Variants in SPMIP11 observed in about 807,000 individuals in gnomAD.
SPMIP11 encodes the protein long intergenic non-protein coding RNA 935.
the SPMIP11 span, among the ~76,000 whole-genome samples, chr12:48,742,609 C>T: frequency 6.6e-6 from 1 of 152,050 alleles, no homozygotes; most frequent in Non-Finnish European, 1.5e-5. Flanking sequence ...CCAGGCCAGG[C>T]GCAGTGGCTC....
the SPMIP11 span, among the ~76,000 whole-genome samples, chr12:48,751,844 A>G: frequency 6.6e-6 from 1 of 152,120 alleles, no homozygotes; most frequent in African/African-American, 2.4e-5. Context: ...AGACAGGCAG[A>G]TCACCTGCGG....
the SPMIP11 span, chr12:48,767,441 G>C: frequency 6.5e-6 from 1 of 152,792 alleles, no homozygotes; most frequent in Non-Finnish European, 1.5e-5. Flanking sequence ...AGAAGACAGA[G>C]GCCCACAGGA....
chr12:48,741,637 T>C, the SPMIP11 span, among the ~76,000 whole-genome samples: 1 of 151,564 alleles, frequency 6.6e-6, no homozygotes, highest in Non-Finnish European at 1.5e-5. Flanking sequence ...TTTGGAAAAA[T>C]GTAAGTATTC....
the SPMIP11 span, chr12:48,768,449 A>G: frequency 8.0e-7 from 1 of 1,249,084 alleles, no homozygotes; most frequent in African/African-American, 1.5e-5. Context: ...GCATGATCCA[A>G]GCACAGCCTG....
the SPMIP11 span, chr12:48,759,334 A>G: frequency 2.8e-6 from 2 of 702,868 alleles, no homozygotes; most frequent in African/African-American, 1.7e-5. Flanking sequence ...GAAGACGTGT[A>G]AGTACCTTGG....
the SPMIP11 span, among the ~76,000 whole-genome samples, chr12:48,763,853 ATT>A: frequency 6.6e-6 from 1 of 151,712 alleles, no homozygotes; most frequent in Admixed American, 6.6e-5. Flanking sequence ...TAATTTTTGT[ATT>A]TTTAGTAGAG....
chr12:48,759,464 G>A, the SPMIP11 span: 38 of 588,410 alleles, frequency 6.5e-5, no homozygotes, highest in Admixed American at 1.6e-4. Context: ...CGAGGCAGGC[G>A]GATCACAAGG....
At chr12:48,758,292 C>T in the SPMIP11 span, among the ~76,000 whole-genome samples, 1 of 152,204 alleles carries the variant, frequency 6.6e-6, no homozygotes, top group Non-Finnish European at 1.5e-5. Flanking sequence ...AGAATCATGC[C>T]ATAGACCTGG....
chr12:48,743,016 G>A, the SPMIP11 span, among the ~76,000 whole-genome samples: 1 of 152,126 alleles, frequency 6.6e-6, no homozygotes, highest in Non-Finnish European at 1.5e-5. Context: ...TGGAGGCTGA[G>A]GTGGGCCAAT....
chr12:48,756,784 T>TC, the SPMIP11 span, among the ~76,000 whole-genome samples: 1 of 150,434 alleles, frequency 6.6e-6, no homozygotes, highest in South Asian at 2.1e-4. Context: ...TTTTTCTTTT[T>TC]TTTTTTTTTG....
the SPMIP11 span, among the ~76,000 whole-genome samples, chr12:48,745,633 A>G: frequency 6.6e-6 from 1 of 152,238 alleles, no homozygotes; most frequent in Admixed American, 6.5e-5. Context: ...AGAGAGTTCA[A>G]TAAATCAAAC....
the SPMIP11 span, among the ~76,000 whole-genome samples, chr12:48,736,413 CAAAAAAAAAA>C: frequency 5.6e-5 from 4 of 71,844 alleles, no homozygotes; most frequent in African/African-American, 1.6e-4. Flanking sequence ...GACTCTGTCT[CAAAAAAAAAA>C]AAAAAAAAAA....
chr12:48,738,683 C>T, the SPMIP11 span, among the ~76,000 whole-genome samples: 1 of 151,974 alleles, frequency 6.6e-6, no homozygotes, highest in Non-Finnish European at 1.5e-5. Flanking sequence ...TACAGGCGCC[C>T]GCCACCACGT....
chr12:48,748,555 A>G, the SPMIP11 span, among the ~76,000 whole-genome samples: 1,111 of 151,452 alleles, frequency 7.3e-3, 14 homozygotes, highest in African/African-American at 0.025. Context: ...CACCAAACTC[A>G]AGCGGGTCTT....
chr12:48,739,158 G>A, the SPMIP11 span, among the ~76,000 whole-genome samples: 1 of 151,908 alleles, frequency 6.6e-6, no homozygotes, highest in Non-Finnish European at 1.5e-5. Flanking sequence ...GTTTTTCTCA[G>A]TGATTACTCA....
chr12:48,741,177 G>T, the SPMIP11 span, among the ~76,000 whole-genome samples: 1 of 148,584 alleles, frequency 6.7e-6, no homozygotes, highest in South Asian at 2.1e-4. Flanking sequence ...TCCTGCCTCA[G>T]CCTCCCAAGA....
the SPMIP11 span, among the ~76,000 whole-genome samples, chr12:48,748,101 C>T: frequency 1.3e-5 from 2 of 152,176 alleles, no homozygotes; most frequent in African/African-American, 4.8e-5. Flanking sequence ...TCACTCTGAG[C>T]TAACTTCCTT....
chr12:48,761,324 G>A, the SPMIP11 span, among the ~76,000 whole-genome samples: 17 of 151,758 alleles, frequency 1.1e-4, no homozygotes, highest in African/African-American at 4.1e-4. Context: ...AGTGGCAGGC[G>A]CCTGTAATCC....
At chr12:48,731,952 C>T in the SPMIP11 span, among the ~76,000 whole-genome samples, 1 of 151,988 alleles carries the variant, frequency 6.6e-6, no homozygotes, top group Non-Finnish European at 1.5e-5. Context: ...AATTCAAGAC[C>T]AGCCTTACCA....
Sources: gnomAD v4.1 joint callset for allele counts (sites outside exome capture counted in the v4.1 genomes callset) on GRCh38, gnomAD v4.1.1 for gene constraint, MANE v1.5 for transcripts, NCBI Gene and HGNC (gene_info 2026-07-23, HGNC 2026-07-21) for gene names.